Variants in AKAP8 observed in about 807,000 individuals in gnomAD.
The protein encoded by AKAP8 is A-kinase anchor protein 8.
Under a neutral mutation model 67.5 loss-of-function variants are expected in AKAP8, and 24 were observed. That is an observed-to-expected ratio of 0.36 (90% CI 0.26 to 0.50). The LOEUF is 0.50. Ranked by LOEUF, AKAP8 falls within the 20% of genes least tolerant of loss-of-function variation. AKAP8 has a pLI of 0.97. For synonymous variants in AKAP8, 400 were observed against 371.1 expected, an observed-to-expected ratio of 1.08 and a Z score of -0.90; for missense variants, 971 against 955.9, an observed-to-expected ratio of 1.02 and a Z score of -0.21.
chr19:15,354,805 A>G lies in AKAP8; in HGVS notation c.*110T>C. 1.5e-6 allele frequency: 2 copies of G among 1,317,462 alleles called. No individual in the cohort carries two copies. Among genetic ancestry groups the G allele is most frequent in the Non-Finnish European group, 2.1e-6 (2 of 958,180 alleles). 81.6% of individuals were successfully genotyped at this position (1,317,462 alleles called of 1,614,324 possible). On this transcript the variant is annotated 3_prime_UTR_variant, in exon 14 of 14. Transcript: ENST00000269701. ...AACGCTGGGTCTCTTCACCAAAATT[A>G]GATTACAGCATATTCTGGGAGCACA...
At chr19:15,368,483 C>T (rs1967104539) in intron 8 of AKAP8, 161 bp from the exon 9 acceptor site, 1 of 985,232 alleles carries the variant, frequency 1.0e-6, no homozygotes, top group Non-Finnish European at 1.2e-6. Context: ...CTGTCAGAGA[C>T]TCCTGGTGGA....
intron 1 of AKAP8, 134 bp from the exon 2 acceptor site, chr19:15,377,148 C>A: frequency 4.2e-6 from 4 of 958,788 alleles, no homozygotes; most frequent in South Asian, 3.5e-5. Flanking sequence ...CCCACCCCAC[C>A]AAAAAAAAGC....
At chr19:15,370,597 C>T (rs1003851085) in intron 7 of AKAP8, among the ~76,000 whole-genome samples, 5 of 148,652 alleles carry the variant, frequency 3.4e-5, no homozygotes, top group African/African-American at 1.0e-4. Context: ...CCACGTTTCC[C>T]GAGCTTTTGT....
At chr19:15,375,412 G>A (rs1481897250) in intron 2 of AKAP8, among the ~76,000 whole-genome samples, 1 of 152,128 alleles carries the variant, frequency 6.6e-6, no homozygotes, top group African/African-American at 2.4e-5. Context: ...GTGCTCTCAG[G>A]CTCTGCCCTC....
At position 15,369,454 on chromosome 19, in the gene AKAP8, C is replaced by G. The variant is rs563006779; in HGVS notation, c.1072+692G>C. On this transcript the variant is annotated intron_variant, in intron 8 of 13. Coordinates refer to ENST00000269701, the MANE Select transcript of AKAP8 (RefSeq NM_005858.4). This position sits in a 1 kb window ranked among gnomAD's most constrained non-coding sequence, Gnocchi z 4.6. Reference sequence around the variant, plus strand: ...GGGTAACCAGCTACGGAAAGACCCACAGGACAGGTAAAGAAACGAGTGGCT... The same window carrying G: ...GGGTAACCAGCTACGGAAAGACCCAGAGGACAGGTAAAGAAACGAGTGGCT... Among the ~76,000 whole-genome samples the G allele has an allele frequency of 1.3e-5, 2 of 152,360 alleles. No individual in the cohort carries two copies. The highest frequency in any genetic ancestry group is 4.1e-4 in the South Asian group (2 of 4,832).
chr19:15,367,942 C>A (rs1249472389), intron 9 of AKAP8, among the ~76,000 whole-genome samples: 1 of 152,226 alleles, frequency 6.6e-6, no homozygotes, highest in Non-Finnish European at 1.5e-5. Flanking sequence ...GGCTGGGATT[C>A]CAGAGGAATA....
chr19:15,356,207 T>C (rs1368867312), intron 13 of AKAP8, among the ~76,000 whole-genome samples: 3 of 150,866 alleles, frequency 2.0e-5, no homozygotes, highest in Non-Finnish European at 4.4e-5. Context: ...GACACCATCC[T>C]GGCTAACACA....
Position 15,369,640 on chromosome 19 carries a change from C to T in AKAP8, c.1072+506G>A, listed in dbSNP as rs1363565810. On this transcript the variant is annotated intron_variant, in intron 8 of 13. Transcript: ENST00000269701. The surrounding 1 kb of genome is among the most constrained non-coding windows in gnomAD (Gnocchi z 4.6). ...AAGACCCAGTGGGCCTGGGTGCTCC[C>T]GACCCCGCAGGTGTCTGCTGTCACA... Among the ~76,000 whole-genome samples the T allele has an allele frequency of 6.6e-6, 1 of 152,196 alleles. No individual in the cohort carries two copies. The highest frequency in any genetic ancestry group is 1.9e-4 in the East Asian group (1 of 5,188).
intron 10 of AKAP8, 85 bp from the exon 11 acceptor site, chr19:15,361,907 C>G: frequency 7.0e-7 from 1 of 1,434,004 alleles, no homozygotes; most frequent in Non-Finnish European, 9.7e-7. Flanking sequence ...AGGCAGGCAG[C>G]TATCAGAGCA....
In AKAP8 at chr19:15,359,004, T is replaced by C; in HGVS notation, c.1586A>G (p.Asn529Ser). 1.2e-6 allele frequency: 2 copies of C among 1,614,232 alleles called. No individual in the cohort carries two copies. The highest frequency in any genetic ancestry group is 1.7e-5 in the Admixed American group (1 of 60,024). The change falls in exon 13 of 14, where the codon AAC (asparagine) becomes AGC (serine). Residue 529 changes from asparagine to serine, a missense_variant. This residue lies in a region of AKAP8 where 763 missense variants were observed against 745.4 expected (regional missense o/e 1.02). Coordinates refer to ENST00000269701, the MANE Select transcript of AKAP8 (RefSeq NM_005858.4). ...TTCCAGCATCTTCACTATATGTCTGTTGTTCAAAACACTCTTAGCCACATG... is the reference window on the plus strand; with the variant it reads ...TTCCAGCATCTTCACTATATGTCTGCTGTTCAAAACACTCTTAGCCACATG... ...SLHVAKSVLNNRHIVKMLEKY... is the reference protein window; with the variant it reads ...SLHVAKSVLNSRHIVKMLEKY...
intron 9 of AKAP8, among the ~76,000 whole-genome samples, chr19:15,368,021 A>G (rs1344305343): frequency 6.6e-6 from 1 of 152,270 alleles, no homozygotes; most frequent in African/African-American, 2.4e-5. Context: ...GCAACGTCCC[A>G]GCCATCCTAG....
Position 15,373,214 on chromosome 19 carries a change from A to G in AKAP8, c.498T>C (p.Phe166=). Residue 166 remains phenylalanine, a synonymous_variant, in exon 5 of 14, where the codon TTT becomes TTC. Coordinates refer to ENST00000269701, the MANE Select transcript of AKAP8 (RefSeq NM_005858.4). The part of the protein sequence containing the change: ...FDLGSDRNGS[F]GGQYSECRDP... ...CTCGGCATTCACTGTACTGCCCCCC[A>G]AAGCTGCCATTGCGGTCGGACCCCA... is the stretch of plus-strand genomic sequence containing the variant. 1 of 1,613,886 alleles carries G rather than the reference A, an allele frequency of 6.2e-7. No homozygotes were observed. The highest frequency in any genetic ancestry group is 8.5e-7 in the Non-Finnish European group (1 of 1,180,004).
rs755492152 is a variant in AKAP8, at chr19:15,355,212, C to T, written c.1782G>A (p.Ala594=). 1.4e-5 allele frequency: 23 copies of T among 1,611,156 alleles called. No homozygotes were observed. In the South Asian group the frequency reaches 1.6e-4, roughly 12 times the overall value. ...AAVRAVDGEG[A]PAPESSGEPA... ...GCTCCCCGCTGCTCTCTGGAGCGGG[C>T]GCTCCTTCCCCATCTACGGCCCTCA... The change falls in exon 14 of 14, where the codon GCG becomes GCA. Residue 594 remains alanine (A), a synonymous_variant. Coordinates refer to ENST00000269701, the MANE Select transcript of AKAP8 (RefSeq NM_005858.4).
At position 15,355,389 on chromosome 19, in the gene AKAP8, C is replaced by T. The variant is rs769964243; in HGVS notation, c.1624-19G>A. ...CCTCACCCTGGCCAAAGAGGAAACA[C>T]CGGTCAGCGTGGTGTAAGCAGAGCT... On this transcript the variant is annotated intron_variant, in intron 13 of 13. Transcript: ENST00000269701. 1.9e-6 allele frequency: 3 copies of T among 1,601,696 alleles called. No individual in the cohort carries two copies. The highest frequency in any genetic ancestry group is 2.6e-6 in the Non-Finnish European group (3 of 1,174,014).
rs1284371995 is a variant in AKAP8, at chr19:15,373,053, A to C, written c.659T>G (p.Leu220Arg). 1 of 1,604,298 alleles carries C rather than the reference A, an allele frequency of 6.2e-7. No individual in the cohort carries two copies. Among genetic ancestry groups the C allele is most frequent in the Admixed American group, 1.7e-5 (1 of 59,376 alleles). Residue 220 changes from leucine (L) to arginine (R), a missense_variant, in exon 5 of 14, where the codon CTG becomes CGG. Physicochemically the swap from Leu to Arg is moderately radical, Grantham distance 102. Coordinates refer to ENST00000269701, the MANE Select transcript of AKAP8 (RefSeq NM_005858.4). ...FVPPAASSEP[L>R]STPWNELNYV... ...GTTCAGCTCGTTCCAGGGCGTGGAC[A>C]GGGGCTCAGAGGACGCAGCGGGGGG...
intron 1 of AKAP8, chr19:15,379,440 G>A (rs1967329633): frequency 2.2e-6 from 1 of 453,794 alleles, no homozygotes; most frequent in African/African-American, 2.1e-5. Context: ...CACTGTCTAA[G>A]ACGCCCCCAC....
chr19:15,370,053 C>T, intron 8 of AKAP8, 93 bp downstream of exon 8: 1 of 1,501,634 alleles, frequency 6.7e-7, no homozygotes, highest in Admixed American at 1.7e-5. Context: ...CGGGCCCCTC[C>T]ATCCAGGCCC....
chr19:15,376,965 A>G lies in AKAP8; in HGVS notation c.58+11T>C, dbSNP rs561532133. ...AGCCCACGCCTCACCCGCAAAGCAG[A>G]GCCCACTTACCCTGGGTGTTGGCAG... On this transcript the variant is annotated intron_variant, in intron 2 of 13. Coordinates refer to ENST00000269701, the MANE Select transcript of AKAP8 (RefSeq NM_005858.4). The G allele has an allele frequency of 4.1e-5, 66 of 1,611,918 alleles. No homozygotes were observed. The East Asian group carries it at 1.0e-3, about 26-fold the overall frequency.
chr19:15,378,846 G>A (rs937336656), intron 1 of AKAP8, among the ~76,000 whole-genome samples: 1 of 152,130 alleles, frequency 6.6e-6, no homozygotes, highest in Admixed American at 6.5e-5. Flanking sequence ...CGAGAAGATC[G>A]GCCCTACTGC....
Sources: allele counts gnomAD v4.1 joint callset (sites outside exome capture counted in the v4.1 genomes callset), GRCh38; gene constraint gnomAD v4.1.1; regional missense constraint gnomAD v4.1.1; non-coding constraint Gnocchi (gnomAD v3.1); transcripts MANE v1.5; gene names NCBI Gene and HGNC (gene_info 2026-07-23, HGNC 2026-07-21).